The following LIN7A variants were observed in gnomAD, a reference collection of about 807,000 sequenced individuals.
LIN7A encodes the protein lin-7 cell polarity scaffold A.
In LIN7A, 25 loss-of-function variants were observed where a neutral mutation model predicts 29.8. The ratio of observed to expected loss-of-function variants is 0.84; its 90% CI spans 0.61 to 1.17. LIN7A has a LOEUF of 1.17. Among genes scored for constraint, LIN7A ranks in the 50% most tolerant of loss-of-function variants. The pLI, the probability that LIN7A is intolerant of heterozygous loss-of-function variation, is 0.00. For missense variants in LIN7A, 239 were observed against 287.0 expected, an observed-to-expected ratio of 0.83 and a Z score of 1.21; for synonymous variants, 118 against 107.5, an observed-to-expected ratio of 1.10 and a Z score of -0.60.
chr12:80,903,324 A>G (rs926251923), intron 1 of LIN7A, among the ~76,000 whole-genome samples: 2 of 152,120 alleles, frequency 1.3e-5, no homozygotes, highest in South Asian at 2.1e-4. Flanking sequence ...TGATTGATGT[A>G]TGCTGTACCC....
chr12:80,877,301 G>C (rs1220036969), intron 2 of LIN7A, among the ~76,000 whole-genome samples: 1 of 151,986 alleles, frequency 6.6e-6, no homozygotes, highest in Non-Finnish European at 1.5e-5. Flanking sequence ...AAGAGACAGT[G>C]ATTTTATAAA....
rs1469854819 is a variant in LIN7A, at chr12:80,880,501, GTC to G, written c.201+8748_201+8749del. Reference sequence around the variant, plus strand: ...TTTGAAACTCTAGATTTCTGGCTATGTCTGTGAAATTATTTTAACAGAGCAGG... The same window carrying G: ...TTTGAAACTCTAGATTTCTGGCTATGTGTGAAATTATTTTAACAGAGCAGG... On this transcript the variant is annotated intron_variant, in intron 2 of 5. Transcript: ENST00000552864. Among the ~76,000 whole-genome samples the G allele has an allele frequency of 3.3e-5, 5 of 152,246 alleles. No homozygotes were observed. The East Asian group carries it at 9.7e-4, about 29-fold the overall frequency.
At chr12:80,879,553 G>C (rs886458924) in intron 2 of LIN7A, among the ~76,000 whole-genome samples, 2 of 141,438 alleles carry the variant, frequency 1.4e-5, no homozygotes, top group African/African-American at 2.5e-5. Context: ...CAATGAGAAG[G>C]CTGTTTTATT....
chr12:80,858,307 TATTAATCTTA>T (rs1206024579), intron 2 of LIN7A, among the ~76,000 whole-genome samples: 1 of 152,208 alleles, frequency 6.6e-6, no homozygotes, highest in African/African-American at 2.4e-5. Flanking sequence ...AAAGCTATGC[TATTAATCTTA>T]ATTTCCCTAC....
At chr12:80,928,085 AT>A (rs1592957419) in intron 1 of LIN7A, among the ~76,000 whole-genome samples, 1 of 151,862 alleles carries the variant, frequency 6.6e-6, no homozygotes, top group African/African-American at 2.4e-5. Flanking sequence ...TATGTGCCAC[AT>A]TTTCTTAATC....
chr12:80,865,761 G>A (rs1016240000), intron 2 of LIN7A, among the ~76,000 whole-genome samples: 2 of 152,310 alleles, frequency 1.3e-5, no homozygotes, highest in African/African-American at 4.8e-5. Flanking sequence ...GGTAGATGAT[G>A]ATAAGTTCCC....
At chr12:80,810,178 C>A in intron 5 of LIN7A, among the ~76,000 whole-genome samples, 1 of 152,050 alleles carries the variant, frequency 6.6e-6, no homozygotes, top group Non-Finnish European at 1.5e-5. Context: ...CTCTGTCTAC[C>A]CTCCTCCCCC....
chr12:80,878,481 A>G (rs774764900), intron 2 of LIN7A, among the ~76,000 whole-genome samples: 9 of 152,172 alleles, frequency 5.9e-5, no homozygotes, highest in Admixed American at 1.3e-4. Flanking sequence ...GCTGACTTCA[A>G]GAATGAAGCC....
intron 5 of LIN7A, among the ~76,000 whole-genome samples, chr12:80,798,746 G>T (rs1169322026): frequency 6.7e-6 from 1 of 150,254 alleles, no homozygotes; most frequent in Non-Finnish European, 1.5e-5. Flanking sequence ...CTTCCTAAAG[G>T]TCATTTAGCT....
chr12:80,838,694 GC>G (rs1338640291), intron 4 of LIN7A, among the ~76,000 whole-genome samples: 1 of 152,156 alleles, frequency 6.6e-6, no homozygotes, highest in East Asian at 1.9e-4. Flanking sequence ...TAAAGCATCT[GC>G]TAACGACTTC....
chr12:80,930,557 G>T (rs2120946745), intron 1 of LIN7A, among the ~76,000 whole-genome samples: 1 of 152,260 alleles, frequency 6.6e-6, no homozygotes, highest in Middle Eastern at 3.4e-3. Flanking sequence ...TGTGTGTGGA[G>T]GGGGGCAATT....
At chr12:80,798,607 C>G (rs1870569240) in intron 5 of LIN7A, among the ~76,000 whole-genome samples, 2 of 152,118 alleles carry the variant, frequency 1.3e-5, no homozygotes, top group South Asian at 4.1e-4. Flanking sequence ...ATTCTGACTA[C>G]TACTTCTATC....
At chr12:80,813,643 C>T (rs1322361224) in intron 4 of LIN7A, among the ~76,000 whole-genome samples, 2 of 152,118 alleles carry the variant, frequency 1.3e-5, no homozygotes, top group African/African-American at 2.4e-5. Context: ...ACTATGCTTC[C>T]TCTAAGTAAA....
At chr12:80,842,473 C>A (rs773668959) in intron 4 of LIN7A, among the ~76,000 whole-genome samples, 2 of 152,092 alleles carry the variant, frequency 1.3e-5, no homozygotes, top group Non-Finnish European at 2.9e-5. Context: ...TGCTTTAGCC[C>A]TCCAAAGCAC....
At chr12:80,844,845 T>TA (rs1186095356) in intron 4 of LIN7A, among the ~76,000 whole-genome samples, 2 of 152,224 alleles carry the variant, frequency 1.3e-5, no homozygotes, top group African/African-American at 2.4e-5. Flanking sequence ...TAATTTCATT[T>TA]AAAAACGAAA....
chr12:80,840,607 A>G (rs796189229), intron 4 of LIN7A, among the ~76,000 whole-genome samples: 29 of 126,596 alleles, frequency 2.3e-4, no homozygotes, highest in African/African-American at 8.5e-4. Context: ...CTAAATAAAT[A>G]AAACATATTG....
chr12:80,832,413 A>C (rs773859732), intron 4 of LIN7A: 22 of 409,582 alleles, frequency 5.4e-5, no homozygotes, highest in Non-Finnish European at 1.1e-4. Flanking sequence ...AAATTTAATA[A>C]TGGCAAGCTG....
chr12:80,886,549 G>A (rs1000570039), intron 2 of LIN7A, among the ~76,000 whole-genome samples: 3 of 151,994 alleles, frequency 2.0e-5, no homozygotes, highest in Non-Finnish European at 4.4e-5. Context: ...TAAAATGTTA[G>A]CCAAGATGAA....
In LIN7A at chr12:80,848,308, C is replaced by A; in HGVS notation, c.216G>T (p.Met72Ile). 1 of 1,610,484 alleles carries A rather than the reference C, an allele frequency of 6.2e-7. No homozygotes were observed. The highest frequency in any genetic ancestry group is 2.2e-5 in the East Asian group (1 of 44,826). Residue 72 changes from methionine to isoleucine, a missense_variant, in exon 3 of 6, where the codon ATG becomes ATT. Met to Ile is a conservative substitution (Grantham distance 10). Coordinates refer to ENST00000552864, the MANE Select transcript of LIN7A (RefSeq NM_004664.4). ...CTAIREVYQY[M>I]HETITVNGCP... ...AGCCATTAACAGTTATCGTTTCATGCATATATTGATACACCTAAAATGTTC... is the reference window on the plus strand; with the variant it reads ...AGCCATTAACAGTTATCGTTTCATGAATATATTGATACACCTAAAATGTTC...
Sources: gnomAD v4.1 joint callset for allele counts (sites outside exome capture counted in the v4.1 genomes callset) on GRCh38, gnomAD v4.1.1 for gene constraint, MANE v1.5 for transcripts, NCBI Gene and HGNC (gene_info 2026-07-23, HGNC 2026-07-21) for gene names.